PTPN21: variants seen among roughly 807,000 people sequenced by gnomAD.
PTPN21 encodes protein tyrosine phosphatase non-receptor type 21, also known as tyrosine-protein phosphatase non-receptor type 21.
PTPN21 carries 77 observed loss-of-function variants against 131.8 expected under a neutral mutation model. The ratio of observed to expected loss-of-function variants is 0.58; its 90% CI spans 0.49 to 0.71. The LOEUF is 0.71. PTPN21 is among the 30% of genes least tolerant of loss of function. The pLI, the probability that PTPN21 is intolerant of heterozygous loss-of-function variation, is 0.00. For synonymous variants in PTPN21, 715 were observed against 621.3 expected, an observed-to-expected ratio of 1.15 and a Z score of -2.24; for missense variants, 1,552 against 1,527.1, an observed-to-expected ratio of 1.02 and a Z score of -0.27.
At position 88,517,027 on chromosome 14, in the gene PTPN21, C is replaced by T. The variant is rs115182406; in HGVS notation, c.350+65G>A. 1,604 of 1,555,664 alleles carry T rather than the reference C, an allele frequency of 1.0e-3. 20 individuals carry two copies. The African/African-American group carries it at 0.02, about 19-fold the overall frequency. On this transcript the variant is annotated intron_variant, in intron 3 of 18. Transcript: ENST00000556564. ...TTCAAACTTATCTTCTGACTTCAAC[C>T]TTAGTTTCACTTTTTACATCTCACT...
chr14:88,469,747 G>C lies in PTPN21; in HGVS notation c.3001-14C>G. 1 of 1,613,278 alleles carries C rather than the reference G, an allele frequency of 6.2e-7. No individual in the cohort carries two copies. The highest frequency in any genetic ancestry group is 8.5e-7 in the Non-Finnish European group (1 of 1,179,234). On this transcript the variant is annotated splice_polypyrimidine_tract_variant and intron_variant, in intron 16 of 18. Transcript: ENST00000556564. This position sits in a 1 kb window ranked among gnomAD's most constrained non-coding sequence, Gnocchi z 4.3. ...CCTTCCACCCTCCTGTTAAAGATGAGCATGGTTAAATGACTCGAGATCCGG... is the reference window on the plus strand; with the variant it reads ...CCTTCCACCCTCCTGTTAAAGATGACCATGGTTAAATGACTCGAGATCCGG...
At chr14:88,543,430 C>A (rs531383162) in intron 2 of PTPN21, among the ~76,000 whole-genome samples, 277 of 152,254 alleles carry the variant, frequency 1.8e-3, no homozygotes, top group African/African-American at 6.2e-3. Context: ...TATCTGTATA[C>A]AAAACTTTGG....
chr14:88,518,990 TACAC>T (rs11467393), intron 2 of PTPN21, among the ~76,000 whole-genome samples: 3,568 of 149,422 alleles, frequency 0.024, 136 homozygotes, highest in African/African-American at 0.08. Context: ...CACACACACA[TACAC>T]ACACACACAC....
At chr14:88,508,180 C>T (rs531480255) in intron 3 of PTPN21, among the ~76,000 whole-genome samples, 160 bp from the exon 4 acceptor site, 1 of 150,500 alleles carries the variant, frequency 6.6e-6, no homozygotes, top group South Asian at 2.1e-4. Flanking sequence ...ATAGGGTCTC[C>T]CTTTGTTGCC....
At chr14:88,470,078 G>T in intron 15 of PTPN21, 28 bp from the exon 16 acceptor site, 1 of 1,605,316 alleles carries the variant, frequency 6.2e-7, no homozygotes, top group Non-Finnish European at 8.5e-7. Flanking sequence ...TAAAAAAATT[G>T]ATGTGTGGGT....
At chr14:88,518,403 TATATATATATA>T (rs1339940725) in intron 2 of PTPN21, among the ~76,000 whole-genome samples, 2 of 24,190 alleles carry the variant, frequency 8.3e-5, no homozygotes, top group Non-Finnish European at 1.1e-4. Context: ...TATATATATA[TATATATATATA>T]TTTTTTTTTT....
At chr14:88,518,990 T>C (rs61984680) in intron 2 of PTPN21, among the ~76,000 whole-genome samples, 18 of 150,412 alleles carry the variant, frequency 1.2e-4, no homozygotes, top group South Asian at 1.1e-3. Flanking sequence ...CACACACACA[T>C]ACACACACAC....
chr14:88,484,234 T>C (rs955393759), intron 12 of PTPN21, among the ~76,000 whole-genome samples: 1 of 146,844 alleles, frequency 6.8e-6, no homozygotes, highest in Non-Finnish European at 1.5e-5. Context: ...TTTTTTTTGG[T>C]AGAGACAGGG....
chr14:88,511,610 A>T (rs540616457), intron 3 of PTPN21, among the ~76,000 whole-genome samples: 1 of 152,324 alleles, frequency 6.6e-6, no homozygotes, highest in East Asian at 1.9e-4. Flanking sequence ...CGGATGTTGC[A>T]GTGAGCCAAG....
rs370263969 is a variant in PTPN21 at position 88,476,494 on chromosome 14, A to T, written c.2511+2426T>A. 1.6e-4 allele frequency among the ~76,000 whole-genome samples: 24 copies of T among 152,310 alleles called. 1 individual carries two copies. Among genetic ancestry groups the T allele is most frequent in the African/African-American group, 5.5e-4 (23 of 41,564 alleles). Reference sequence around the variant, plus strand: ...CAAGGTAATCAGTGTCAAAACAAATAAAAGCAAATCTTTGGTTAAAATCAG... The same window carrying T: ...CAAGGTAATCAGTGTCAAAACAAATTAAAGCAAATCTTTGGTTAAAATCAG... On this transcript the variant is annotated intron_variant, in intron 13 of 18. Coordinates refer to ENST00000556564, the MANE Select transcript of PTPN21 (RefSeq NM_007039.4).
intron 4 of PTPN21, among the ~76,000 whole-genome samples, chr14:88,505,959 A>G (rs2778936): frequency 0.51 from 77,607 of 152,032 alleles, 22,920 homozygotes; most frequent in Middle Eastern, 0.69. Flanking sequence ...GCCTTCTTAT[A>G]GCTGAAGGAG....
chr14:88,473,922 C>G (rs1205781263), intron 13 of PTPN21, 120 bp from the exon 14 acceptor site: 1 of 832,482 alleles, frequency 1.2e-6, no homozygotes, highest in African/African-American at 1.8e-5. Context: ...GCCAATAAAC[C>G]CAGAAAGATT....
Position 88,549,101 on chromosome 14 carries a change from T to C in PTPN21, c.180+1137A>G, listed in dbSNP as rs549202660. ...ATGTTTCTAGAACCTCGATCTGGCC[T>C]GTAAGAATATAGTCAATGAATTTTA... On this transcript the variant is annotated intron_variant, in intron 2 of 18. Transcript: ENST00000556564. Among the ~76,000 whole-genome samples the C allele has an allele frequency of 3.9e-5, 6 of 152,314 alleles. No individual in the cohort carries two copies. The East Asian group carries it at 1.2e-3, about 29-fold the overall frequency.
chr14:88,468,246 A>C lies in PTPN21; in HGVS notation c.3416T>G (p.Val1139Gly). 6.2e-7 allele frequency: 1 copy of C among 1,606,716 alleles called. No individual in the cohort carries two copies. The highest frequency in any genetic ancestry group is 8.5e-7 in the Non-Finnish European group (1 of 1,176,542). The change falls in exon 19 of 19, where the codon GTG (valine) becomes GGG (glycine). Residue 1139 changes from valine (V) to glycine (G), a missense_variant. By Grantham distance (109) the Val-to-Gly change is moderately radical. This residue lies in a region of PTPN21 where 316 missense variants were observed against 378.5 expected (regional missense o/e 0.83). Coordinates refer to ENST00000556564, the MANE Select transcript of PTPN21 (RefSeq NM_007039.4). ...TCTCTGTTGCCTCAGCATGTCCAGC[A>C]CTCTCGGGATGTCCAGCACCTAGGT... The part of the protein sequence containing the change: ...EHNEVLDIPR[V>G]LDMLRQQRMM...
chr14:88,552,382 G>A (rs1236438474), intron 1 of PTPN21: 1 of 152,248 alleles, frequency 6.6e-6, no homozygotes, highest in African/African-American at 2.4e-5. Context: ...CTGGGAACAA[G>A]ACAGCGTAAT....
intron 2 of PTPN21, among the ~76,000 whole-genome samples, chr14:88,529,398 A>G (rs998903780): frequency 2.4e-4 from 36 of 152,238 alleles, no homozygotes; most frequent in Non-Finnish European, 4.9e-4. Flanking sequence ...TTTTGCATCT[A>G]TGTTCATCAG....
At chr14:88,517,871 G>A (rs2078305369) in intron 2 of PTPN21, among the ~76,000 whole-genome samples, 1 of 144,470 alleles carries the variant, frequency 6.9e-6, no homozygotes, top group Non-Finnish European at 1.5e-5. Context: ...GTGTATATGT[G>A]TATATATACT....
At chr14:88,500,390 A>T (rs2077990598) in intron 8 of PTPN21, among the ~76,000 whole-genome samples, 1 of 152,154 alleles carries the variant, frequency 6.6e-6, no homozygotes, top group Non-Finnish European at 1.5e-5. Context: ...TGACTGTACC[A>T]CTGCACTCTA....
At chr14:88,538,036 C>T (rs1305883702) in intron 2 of PTPN21, among the ~76,000 whole-genome samples, 1 of 152,192 alleles carries the variant, frequency 6.6e-6, no homozygotes, top group East Asian at 1.9e-4. Context: ...TGATATGCAG[C>T]ACATGACTGT....
Sources: gnomAD v4.1 joint callset for allele counts (sites outside exome capture counted in the v4.1 genomes callset) on GRCh38, gnomAD v4.1.1 for gene constraint, gnomAD v4.1.1 regional missense constraint, Gnocchi (gnomAD v3.1) non-coding constraint, MANE v1.5 for transcripts, NCBI Gene and HGNC (gene_info 2026-07-23, HGNC 2026-07-21) for gene names.